Variants in MITF observed in about 807,000 individuals in gnomAD.
The protein encoded by MITF is microphthalmia-associated transcription factor.
In MITF, 17 loss-of-function variants were observed where a neutral mutation model predicts 60.5. The observed-to-expected ratio is 0.28, with a 90% CI of 0.19 to 0.42. The LOEUF is 0.42. MITF is among the 10% of genes least tolerant of loss of function. The pLI, the probability that MITF is intolerant of heterozygous loss-of-function variation, is 1.00. For missense variants in MITF, 622 were observed against 683.5 expected (o/e 0.91, Z 1.00); for synonymous variants, 260 against 248.5 (o/e 1.05, Z -0.43).
At chr3:69,872,041 A>C (rs2064250686) in intron 1 of MITF, among the ~76,000 whole-genome samples, 1 of 152,178 alleles carries the variant, frequency 6.6e-6, no homozygotes, top group Admixed American at 6.5e-5. Flanking sequence ...GTCTAGTGAA[A>C]GGAAGCTTGA....
chr3:69,899,006 A>C (rs570179938), intron 2 of MITF, among the ~76,000 whole-genome samples: 14 of 152,184 alleles, frequency 9.2e-5, no homozygotes, highest in Non-Finnish European at 1.8e-4. Context: ...CCCTACCACC[A>C]CCCAAAAAGA....
chr3:69,947,649 G>A (rs1302776462), intron 5 of MITF, among the ~76,000 whole-genome samples: 2 of 152,074 alleles, frequency 1.3e-5, no homozygotes, highest in East Asian at 1.9e-4. Flanking sequence ...TACTATAAAC[G>A]CTGCTTTCAA....
At chr3:69,956,383 C>A (rs2066397986) in intron 7 of MITF, 72 bp from the exon 8 acceptor site, 1 of 1,185,434 alleles carries the variant, frequency 8.4e-7, no homozygotes, top group Non-Finnish European at 1.3e-6. Context: ...TATGCACATG[C>A]CTTTAATGAG....
chr3:69,854,114 C>T (rs146868913), intron 1 of MITF, among the ~76,000 whole-genome samples: 171 of 152,274 alleles, frequency 1.1e-3, no homozygotes, highest in African/African-American at 4.0e-3. Context: ...TCCCAAAGTG[C>T]TGGGATTACA....
chr3:69,965,358 T>G lies in MITF; in HGVS notation c.*110T>G, dbSNP rs2107554070. Reference sequence around the variant, plus strand: ...ATAATTTTCCTTTAATATGAAATTTTTTTTCATGCTTTATCAATAGCCCAG... The same window carrying G: ...ATAATTTTCCTTTAATATGAAATTTGTTTTCATGCTTTATCAATAGCCCAG... On this transcript the variant is annotated 3_prime_UTR_variant, in exon 10 of 10. Coordinates refer to ENST00000352241, the MANE Select transcript of MITF (RefSeq NM_001354604.2). 1 of 1,170,008 alleles carries G rather than the reference T, an allele frequency of 8.5e-7. No individual in the cohort carries two copies. The highest frequency in any genetic ancestry group is 2.5e-5 in the East Asian group (1 of 39,258). 72.5% of individuals were successfully genotyped at this position (1,170,008 alleles called of 1,614,324 possible).
Position 69,917,677 on chromosome 3 carries a change from G to T in MITF, c.355-20145G>T, listed in dbSNP as rs1302882933. The stretch of plus-strand genomic sequence containing the variant: ...GATCCTACAACATGTAAAGAGTCAA[G>T]AATCGTAAAATGTAATTTAAATTAA... On this transcript the variant is annotated intron_variant, in intron 2 of 9. Transcript: ENST00000352241. Among the ~76,000 whole-genome samples, 7 of 152,176 alleles carry T rather than the reference G, an allele frequency of 4.6e-5. No individual in the cohort carries two copies. The East Asian group carries it at 7.7e-4, about 17-fold the overall frequency.
At chr3:69,829,091 C>T (rs1029955896) in intron 1 of MITF, among the ~76,000 whole-genome samples, 10 of 152,014 alleles carry the variant, frequency 6.6e-5, no homozygotes, top group Non-Finnish European at 1.5e-4. Flanking sequence ...TTAGAGCAAT[C>T]GGAAAGAGTA....
At chr3:69,767,474 A>G (rs761905279) in intron 1 of MITF, among the ~76,000 whole-genome samples, 3 of 152,062 alleles carry the variant, frequency 2.0e-5, no homozygotes, top group Non-Finnish European at 4.4e-5. Context: ...AATCCCAGCT[A>G]CTTGGGAGGC....
Position 69,804,378 on chromosome 3 carries a change from C to G in MITF, c.104+64677C>G, listed in dbSNP as rs754395334. 3.6e-4 allele frequency among the ~76,000 whole-genome samples: 55 copies of G among 150,744 alleles called. 1 individual carries two copies. Among genetic ancestry groups the G allele is most frequent in the Admixed American group, 2.6e-4 (4 of 15,118 alleles). ...TCTCCCTTCTCCACCTTTTCCTCAACAGTTAATCTCTTTGAACCCTTTGCA... is the reference window on the plus strand; with the variant it reads ...TCTCCCTTCTCCACCTTTTCCTCAAGAGTTAATCTCTTTGAACCCTTTGCA... On this transcript the variant is annotated intron_variant, in intron 1 of 9. Coordinates refer to ENST00000352241, the MANE Select transcript of MITF (RefSeq NM_001354604.2).
At chr3:69,851,281 T>A (rs1351607620) in intron 1 of MITF, among the ~76,000 whole-genome samples, 1 of 152,238 alleles carries the variant, frequency 6.6e-6, no homozygotes, top group African/African-American at 2.4e-5. Flanking sequence ...TTAAAGTATG[T>A]ACCATTTCTT....
At chr3:69,762,016 C>G (rs2062219203) in intron 1 of MITF, among the ~76,000 whole-genome samples, 1 of 151,942 alleles carries the variant, frequency 6.6e-6, no homozygotes, top group South Asian at 2.1e-4. Flanking sequence ...TTTTGTGTGT[C>G]TTCATAAATT....
intron 2 of MITF, among the ~76,000 whole-genome samples, chr3:69,887,366 T>C (rs1181623714): frequency 1.3e-5 from 2 of 152,100 alleles, no homozygotes; most frequent in Non-Finnish European, 2.9e-5. Context: ...GTGTGATCTG[T>C]GTTAAAAATA....
intron 1 of MITF, among the ~76,000 whole-genome samples, chr3:69,813,465 T>C (rs1008327126): frequency 6.6e-6 from 1 of 152,200 alleles, no homozygotes; most frequent in East Asian, 1.9e-4. Context: ...GGATTTTTGG[T>C]AGAGTTTACT....
At chr3:69,810,217 A>G (rs1575748382) in intron 1 of MITF, among the ~76,000 whole-genome samples, 1 of 152,336 alleles carries the variant, frequency 6.6e-6, no homozygotes, top group Admixed American at 6.5e-5. Flanking sequence ...AGCATTTGAT[A>G]CTAAGAATGA....
At chr3:69,853,209 G>T (rs1296708991) in intron 1 of MITF, among the ~76,000 whole-genome samples, 1 of 152,030 alleles carries the variant, frequency 6.6e-6, no homozygotes, top group East Asian at 1.9e-4. Context: ...CACCATGTCA[G>T]AATATCTGTG....
At chr3:69,860,338 GGCTCAC>G (rs1356284939) in intron 1 of MITF, among the ~76,000 whole-genome samples, 47 of 152,278 alleles carry the variant, frequency 3.1e-4, no homozygotes, top group African/African-American at 1.1e-3. Context: ...TGGGCGCGGT[GGCTCAC>G]GCCTGTAATC....
intron 1 of MITF, among the ~76,000 whole-genome samples, chr3:69,826,368 TCC>T (rs2063354719): frequency 6.6e-6 from 1 of 152,220 alleles, no homozygotes; most frequent in Non-Finnish European, 1.5e-5. Context: ...AATTGATTCT[TCC>T]TCATTGCTGT....
At chr3:69,793,398 C>T (rs746159276) in intron 1 of MITF, among the ~76,000 whole-genome samples, 4 of 141,222 alleles carry the variant, frequency 2.8e-5, no homozygotes, top group South Asian at 2.3e-4. Flanking sequence ...TTCTCAAGCT[C>T]GGCATTTTAG....
chr3:69,909,521 G>A (rs1286039267), intron 2 of MITF, among the ~76,000 whole-genome samples: 1 of 152,142 alleles, frequency 6.6e-6, no homozygotes, highest in Non-Finnish European at 1.5e-5. Flanking sequence ...AGAAAAATGT[G>A]GGAAAGTTTG....
Sources: gnomAD v4.1 joint callset for allele counts (sites outside exome capture counted in the v4.1 genomes callset) on GRCh38, gnomAD v4.1.1 for gene constraint, MANE v1.5 for transcripts, NCBI Gene and HGNC (gene_info 2026-07-23, HGNC 2026-07-21) for gene names.